Variants in BCLAF3 observed in about 807,000 individuals in gnomAD.
BCLAF3 encodes the protein BCLAF1 and THRAP3 family member 3, also known as transient octamer binding factor 1.
A neutral mutation model predicts 51.2 loss-of-function variants in BCLAF3; 24 were observed. The ratio of observed to expected loss-of-function variants is 0.47; its 90% confidence interval spans 0.34 to 0.66. The LOEUF is 0.66. Among genes scored for constraint, BCLAF3 ranks in the 30% least tolerant of loss-of-function variants. BCLAF3 has a pLI of 0.01. For missense variants in BCLAF3, 465 were observed against 525.1 expected, an observed-to-expected ratio of 0.89 and a Z score of 1.12; for synonymous variants, 152 against 176.6, an observed-to-expected ratio of 0.86 and a Z score of 1.10.
chrX:19,917,338 T>A lies in BCLAF3; in HGVS notation c.2107-4A>T. 8.4e-7 allele frequency: 1 copy of A among 1,190,597 alleles called. No homozygotes were observed. The highest frequency in any genetic ancestry group is 1.1e-6 in the Non-Finnish European group (1 of 879,864). On this transcript the variant is annotated splice_polypyrimidine_tract_variant and splice_region_variant and intron_variant, in intron 11 of 11. Coordinates refer to ENST00000379682, the MANE Select transcript of BCLAF3 (RefSeq NM_001367774.2). ...CTGTGGCAACATCTGTATATTCCTA[T>A]TGAGAGAAAACAAGAGAAATAAAGA... is the stretch of plus-strand genomic sequence containing the variant.
intron 8 of BCLAF3, among the ~76,000 whole-genome samples, chrX:19,941,990 C>A (rs1367665077): frequency 1.7e-4 from 11 of 63,640 alleles, no homozygotes; most frequent in Non-Finnish European, 3.0e-4. Context: ...TCCTTCACAT[C>A]CCTTGTAAGT....
At chrX:19,974,690 G>T (rs1189867389) in intron 1 of BCLAF3, among the ~76,000 whole-genome samples, 1 of 110,379 alleles carries the variant, frequency 9.1e-6, no homozygotes, top group African/African-American at 3.3e-5. Flanking sequence ...GACCATCCTG[G>T]CTAAAATGGT....
intron 1 of BCLAF3, among the ~76,000 whole-genome samples, chrX:19,989,960 T>C (rs780443999): frequency 8.1e-4 from 90 of 111,157 alleles, no homozygotes; most frequent in African/African-American, 2.7e-3. Context: ...GCTATACCAT[T>C]ACCATTAAAA....
chrX:19,919,245 T>C (rs1225269755), intron 11 of BCLAF3, among the ~76,000 whole-genome samples: 1 of 112,222 alleles, frequency 8.9e-6, no homozygotes, highest in African/African-American at 3.2e-5. Context: ...TGGAAGTACT[T>C]AGCATGTATC....
chrX:19,953,583 C>T (rs1439425039), intron 6 of BCLAF3, among the ~76,000 whole-genome samples, 195 bp downstream of exon 6: 1 of 112,080 alleles, frequency 8.9e-6, no homozygotes, highest in Non-Finnish European at 1.9e-5. Flanking sequence ...ATGTTTTCAG[C>T]GCATCCTATT....
rs113354530 is a variant in BCLAF3, at chrX:19,983,111, C to A, written c.-35+7797G>T. 8.4e-4 allele frequency among the ~76,000 whole-genome samples: 89 copies of A among 106,136 alleles called. 1 individual carries two copies. The highest frequency in any genetic ancestry group is 2.9e-3 in the African/African-American group (86 of 29,353). The allele number at this position is 106,136 out of a possible 115,157, so 92.2% of individuals were successfully genotyped here. The stretch of plus-strand genomic sequence containing the variant: ...CTGGTACTATAGGTGTGCAGCACCA[C>A]GCCCAGCTAAATTTTTTTGTATTTT... On this transcript the variant is annotated intron_variant, in intron 1 of 11. Coordinates refer to ENST00000379682, the MANE Select transcript of BCLAF3 (RefSeq NM_001367774.2).
intron 11 of BCLAF3, among the ~76,000 whole-genome samples, chrX:19,927,515 C>T (rs1208877329): frequency 9.0e-6 from 1 of 111,650 alleles, no homozygotes; most frequent in African/African-American, 3.3e-5. Context: ...GTTATAAAAC[C>T]ACAGTTGGGC....
In BCLAF3 at chrX:19,920,170, G is replaced by A. The variant is rs747388148; in HGVS notation, c.2107-2836C>T. ...CTAGCAAACTTCCCAGGGTGGTAATGTATCGCATGTGTTGTCACAACTCAT... is the reference window on the plus strand; with the variant it reads ...CTAGCAAACTTCCCAGGGTGGTAATATATCGCATGTGTTGTCACAACTCAT... On this transcript the variant is annotated intron_variant, in intron 11 of 11. Transcript: ENST00000379682. 6.2e-5 allele frequency among the ~76,000 whole-genome samples: 7 copies of A among 112,114 alleles called. No homozygotes were observed. In the East Asian group the frequency reaches 2.0e-3, roughly 31 times the overall value.
At chrX:19,931,739 C>T (rs2070565736) in intron 10 of BCLAF3, among the ~76,000 whole-genome samples, 1 of 112,047 alleles carries the variant, frequency 8.9e-6, no homozygotes, top group Admixed American at 9.5e-5. Flanking sequence ...TAACAAAATT[C>T]ATACCTAACA....
chrX:19,975,588 C>T (rs935833924), intron 1 of BCLAF3, among the ~76,000 whole-genome samples: 1 of 112,036 alleles, frequency 8.9e-6, no homozygotes, highest in East Asian at 2.8e-4. Flanking sequence ...AAATGATCTG[C>T]CCGCCTCAGC....
chrX:19,985,458 C>T (rs768210787), intron 1 of BCLAF3, among the ~76,000 whole-genome samples: 11 of 109,594 alleles, frequency 1.0e-4, no homozygotes, highest in East Asian at 8.6e-4. Flanking sequence ...TGGTGGCACA[C>T]GCCTGTAGTC....
intron 4 of BCLAF3, among the ~76,000 whole-genome samples, chrX:19,962,144 A>G (rs1351895579): frequency 8.9e-6 from 1 of 112,053 alleles, no homozygotes; most frequent in African/African-American, 3.2e-5. Context: ...ACTATAACAC[A>G]CTTCATTATT....
chrX:19,940,910 C>T, intron 8 of BCLAF3, among the ~76,000 whole-genome samples: 1 of 110,801 alleles, frequency 9.0e-6, no homozygotes, highest in Non-Finnish European at 1.9e-5. Flanking sequence ...GTTCCTATTT[C>T]TCCACATCCT....
rs745832118 is a variant in BCLAF3, at chrX:19,935,805, A to G, written c.1950+4T>C. Reference sequence around the variant, plus strand: ...GGAATTAAATGGAAAACAACACTCAATACCTTAAAAGGTCTTACTCTTGTG... The same window carrying G: ...GGAATTAAATGGAAAACAACACTCAGTACCTTAAAAGGTCTTACTCTTGTG... On this transcript the variant is annotated splice_donor_region_variant and intron_variant, in intron 10 of 11. Coordinates refer to ENST00000379682, the MANE Select transcript of BCLAF3 (RefSeq NM_001367774.2). 2.5e-6 allele frequency: 3 copies of G among 1,195,709 alleles called. No homozygotes were observed. Among genetic ancestry groups the G allele is most frequent in the East Asian group, 5.9e-5 (2 of 33,767 alleles).
At chrX:19,985,277 C>T (rs998725377) in intron 1 of BCLAF3, 3 of 111,403 alleles carry the variant, frequency 2.7e-5, no homozygotes, top group African/African-American at 9.8e-5. Context: ...ATTCCAAGGT[C>T]AAAAAACACT....
At position 19,966,183 on chromosome X, in the gene BCLAF3, G is replaced by A. The variant is rs2072047893; in HGVS notation, c.508C>T (p.His170Tyr). 1 of 1,209,271 alleles carries A rather than the reference G, an allele frequency of 8.3e-7. No individual in the cohort carries two copies. Among genetic ancestry groups the A allele is most frequent in the Non-Finnish European group, 1.1e-6 (1 of 894,917 alleles). The change falls in exon 3 of 12, where the codon CAT becomes TAT. Residue 170 changes from histidine (H) to tyrosine (Y), a missense_variant. Physicochemically the swap from His to Tyr is moderately conservative, Grantham distance 83. Coordinates refer to ENST00000379682, the MANE Select transcript of BCLAF3 (RefSeq NM_001367774.2). ...CTCTGGTGCCTCAACTCATCTTCAT[G>A]CCACTTTCCTTCAAATCTAAAAGAA... is the stretch of plus-strand genomic sequence containing the variant. ...ADSFRFEGKW[H>Y]EDELRHQRIQ...
chrX:19,950,301 G>C (rs1236244400), intron 8 of BCLAF3, among the ~76,000 whole-genome samples: 1 of 111,739 alleles, frequency 8.9e-6, no homozygotes, highest in Non-Finnish European at 1.9e-5. Context: ...CTTTTTGTCA[G>C]TACAGTGATC....
At chrX:19,962,604 C>G (rs760702259) in intron 4 of BCLAF3, among the ~76,000 whole-genome samples, 1 of 112,149 alleles carries the variant, frequency 8.9e-6, no homozygotes, top group Non-Finnish European at 1.9e-5. Context: ...TGGGAGTGTA[C>G]TGACATCTGC....
intron 4 of BCLAF3, among the ~76,000 whole-genome samples, chrX:19,962,231 G>A (rs929269283): frequency 4.5e-5 from 5 of 111,157 alleles, no homozygotes; most frequent in Non-Finnish European, 9.4e-5. Flanking sequence ...ACCCAGGCTG[G>A]AGTGCAGTGG....
Sources: gnomAD v4.1 joint callset for allele counts (sites outside exome capture counted in the v4.1 genomes callset) on GRCh38, gnomAD v4.1.1 for gene constraint, MANE v1.5 for transcripts, NCBI Gene and HGNC (gene_info 2026-07-23, HGNC 2026-07-21) for gene names.